ARHGAP24: variants seen among roughly 807,000 people sequenced by gnomAD.
ARHGAP24 encodes rho GTPase-activating protein 24.
In ARHGAP24, 50 loss-of-function variants were observed where a neutral mutation model predicts 76.4. The ratio of observed to expected loss-of-function variants is 0.65; its 90% CI spans 0.52 to 0.83. ARHGAP24 has a LOEUF of 0.83. Among genes scored for constraint, ARHGAP24 ranks in the 40% least tolerant of loss-of-function variants. The pLI is 0.00. For missense variants in ARHGAP24, 930 were observed against 914.2 expected, an observed-to-expected ratio of 1.02 and a Z score of -0.22; for synonymous variants, 345 against 323.3, an observed-to-expected ratio of 1.07 and a Z score of -0.72.
At chr4:85,835,574 A>C (rs1414814574) in intron 3 of ARHGAP24, among the ~76,000 whole-genome samples, 2 of 147,636 alleles carry the variant, frequency 1.4e-5, no homozygotes, top group Admixed American at 1.4e-4. Flanking sequence ...AAAAAAAAGC[A>C]CGGTTTGTTT....
At chr4:85,692,335 G>A (rs184039222) in intron 2 of ARHGAP24, among the ~76,000 whole-genome samples, 63 of 152,208 alleles carry the variant, frequency 4.1e-4, no homozygotes, top group African/African-American at 1.3e-3. Context: ...ATAGTATCTA[G>A]CCTGGGTTTT....
At chr4:85,929,775 T>C (rs1381644561) in intron 4 of ARHGAP24, among the ~76,000 whole-genome samples, 1 of 152,224 alleles carries the variant, frequency 6.6e-6, no homozygotes, top group Non-Finnish European at 1.5e-5. Context: ...AGGGTATGCA[T>C]GTTAAATCAG....
At chr4:85,560,882 A>G (rs953602586) in intron 1 of ARHGAP24, among the ~76,000 whole-genome samples, 3 of 152,198 alleles carry the variant, frequency 2.0e-5, no homozygotes, top group Non-Finnish European at 2.9e-5. Context: ...TGTGTCTAGT[A>G]ACAACGGCAA....
chr4:85,541,240 G>A (rs1725682655), intron 1 of ARHGAP24, among the ~76,000 whole-genome samples: 1 of 100,562 alleles, frequency 9.9e-6, no homozygotes, highest in Non-Finnish European at 1.6e-5. Context: ...TGCAAGCTCC[G>A]CCTCCCGGGT....
chr4:85,657,818 T>C (rs556337086), intron 2 of ARHGAP24, among the ~76,000 whole-genome samples: 6 of 152,318 alleles, frequency 3.9e-5, no homozygotes, highest in Non-Finnish European at 8.8e-5. Flanking sequence ...GCAGCGGCAC[T>C]ATCTCAGCTC....
intron 2 of ARHGAP24, among the ~76,000 whole-genome samples, chr4:85,572,447 T>A (rs973174833): frequency 6.6e-6 from 1 of 152,184 alleles, no homozygotes; most frequent in Admixed American, 6.5e-5. Context: ...TTGCACATTC[T>A]CAAATTTGAG....
intron 4 of ARHGAP24, among the ~76,000 whole-genome samples, chr4:85,939,013 A>G (rs991903815): frequency 3.9e-5 from 6 of 152,144 alleles, no homozygotes; most frequent in African/African-American, 1.4e-4. Flanking sequence ...AGTGGCTCTG[A>G]TATCCCACCG....
At chr4:85,606,556 T>C (rs1256032692) in intron 2 of ARHGAP24, among the ~76,000 whole-genome samples, 2 of 152,134 alleles carry the variant, frequency 1.3e-5, no homozygotes, top group African/African-American at 4.8e-5. Flanking sequence ...AAAGATTTTT[T>C]AAGATCGAAG....
chr4:85,971,301 C>T (rs1363733361), intron 5 of ARHGAP24, among the ~76,000 whole-genome samples: 2 of 152,154 alleles, frequency 1.3e-5, no homozygotes, highest in Non-Finnish European at 2.9e-5. Context: ...ATATTGAATA[C>T]ACACATATAC....
chr4:85,615,470 A>T (rs1354679203), intron 2 of ARHGAP24, among the ~76,000 whole-genome samples: 5 of 152,244 alleles, frequency 3.3e-5, no homozygotes, highest in African/African-American at 1.2e-4. Flanking sequence ...GGAAATAAAT[A>T]AGTCTCACCA....
rs1257329644 is a variant in ARHGAP24 at position 85,671,003 on chromosome 4, T to C, written c.181-50882T>C. On this transcript the variant is annotated intron_variant, in intron 2 of 9. Coordinates refer to ENST00000395184, the MANE Select transcript of ARHGAP24 (RefSeq NM_001025616.3). ...AAAAAGGATTCGCAGATCATTCTAA[T>C]GGTCACACTCAATTGAGCACAACTG... is the stretch of plus-strand genomic sequence containing the variant. 2.0e-5 allele frequency among the ~76,000 whole-genome samples: 3 copies of C among 152,210 alleles called. No individual in the cohort carries two copies. The East Asian group carries it at 5.8e-4, about 29-fold the overall frequency.
At chr4:85,481,138 A>G (rs1190148471) in intron 1 of ARHGAP24, among the ~76,000 whole-genome samples, 1 of 152,170 alleles carries the variant, frequency 6.6e-6, no homozygotes, top group Non-Finnish European at 1.5e-5. Context: ...TTTTACATAC[A>G]TTACTTCTGA....
At chr4:85,865,653 A>C (rs1484541908) in intron 3 of ARHGAP24, among the ~76,000 whole-genome samples, 2 of 150,744 alleles carry the variant, frequency 1.3e-5, no homozygotes, top group Non-Finnish European at 3.0e-5. Flanking sequence ...CAGAATTACA[A>C]TAAAGTGTAA....
At chr4:85,665,341 G>A (rs1722569369) in intron 2 of ARHGAP24, among the ~76,000 whole-genome samples, 1 of 152,020 alleles carries the variant, frequency 6.6e-6, no homozygotes, top group South Asian at 2.1e-4. Flanking sequence ...TGCAACCCCT[G>A]CCTTTTTTTG....
At chr4:85,950,589 G>A (rs1737553732) in intron 5 of ARHGAP24, among the ~76,000 whole-genome samples, 1 of 151,928 alleles carries the variant, frequency 6.6e-6, no homozygotes, top group South Asian at 2.1e-4. Flanking sequence ...GTCCACGGAG[G>A]TTGATTCTGT....
intron 3 of ARHGAP24, among the ~76,000 whole-genome samples, chr4:85,742,884 A>G (rs1725876810): frequency 6.6e-6 from 1 of 152,220 alleles, no homozygotes; most frequent in Non-Finnish European, 1.5e-5. Context: ...TAATCTTTAG[A>G]ATATCGATTA....
At chr4:85,805,963 AG>A (rs1486706576) in intron 3 of ARHGAP24, among the ~76,000 whole-genome samples, 1 of 152,194 alleles carries the variant, frequency 6.6e-6, no homozygotes, top group Non-Finnish European at 1.5e-5. Context: ...GACTCTCAGG[AG>A]GCATGCATCC....
chr4:85,555,330 G>A (rs1011873918), intron 1 of ARHGAP24, among the ~76,000 whole-genome samples: 16 of 152,260 alleles, frequency 1.1e-4, no homozygotes, highest in Non-Finnish European at 1.6e-4. Flanking sequence ...GGATGTTTTT[G>A]GAGGGTTGAG....
chr4:85,937,000 T>A (rs879296441), intron 4 of ARHGAP24, among the ~76,000 whole-genome samples: 1 of 152,120 alleles, frequency 6.6e-6, no homozygotes, highest in African/African-American at 2.4e-5. Flanking sequence ...TGAGATCAGC[T>A]TGTGGGGATT....
Sources: allele counts gnomAD v4.1 joint callset (sites outside exome capture counted in the v4.1 genomes callset), GRCh38; gene constraint gnomAD v4.1.1; transcripts MANE v1.5; gene names NCBI Gene and HGNC (gene_info 2026-07-23, HGNC 2026-07-21).